The following TNFAIP6 variants were observed in gnomAD, a reference collection of about 807,000 sequenced individuals.
The protein encoded by TNFAIP6 is tumor necrosis factor-inducible gene 6 protein.
TNFAIP6 carries 36 observed loss-of-function variants against 33.7 expected under a neutral mutation model. That is an observed-to-expected ratio of 1.07 (90% CI 0.82 to 1.41). The LOEUF (loss-of-function observed/expected upper bound fraction) is 1.41, where lower values mean the gene tolerates loss of function less well. Ranked by LOEUF, TNFAIP6 falls within the 40% of genes most tolerant of loss-of-function variation. TNFAIP6 has a pLI of 0.00. For missense variants in TNFAIP6, 273 were observed against 331.9 expected (o/e 0.82, Z 1.38); for synonymous variants, 113 against 112.8 (o/e 1.00, Z -0.01).
Position 151,371,945 on chromosome 2 carries a change from A to G in TNFAIP6, c.624-1604A>G, listed in dbSNP as rs1260760286. ...TACTGCTATAGAGAAAAGATAGTTT[A>G]TAAAAATAGTTTGATGAAGACACAA... On this transcript the variant is annotated intron_variant, in intron 4 of 5. Transcript: ENST00000243347. 3.3e-5 allele frequency: 5 copies of G among 152,244 alleles called. No individual in the cohort carries two copies. In the South Asian group the frequency reaches 6.2e-4, roughly 19 times the overall value. The allele number at this position is 152,244 out of a possible 1,614,324, so 9.4% of individuals were successfully genotyped here.
chr2:151,377,058 T>A (rs974729395), intron 5 of TNFAIP6, among the ~76,000 whole-genome samples: 2 of 152,014 alleles, frequency 1.3e-5, no homozygotes, highest in Non-Finnish European at 2.9e-5. Context: ...AGGCTGGTCC[T>A]GAAGTCCTGA....
chr2:151,359,539 C>T (rs1274581587), intron 1 of TNFAIP6, among the ~76,000 whole-genome samples: 1 of 152,074 alleles, frequency 6.6e-6, no homozygotes, highest in Admixed American at 6.6e-5. Context: ...CAGGCACCCG[C>T]CACCACGCCT....
chr2:151,365,983 TCTTTGCTAAGATGA>T (rs1308923290), intron 2 of TNFAIP6, 59 bp from the exon 3 acceptor site: 58 of 1,465,156 alleles, frequency 4.0e-5, no homozygotes, highest in Non-Finnish European at 5.5e-5. Context: ...GAAGTGGCTA[TCTTTGCTAAGATGA>T]CTTTTGCTTA....
chr2:151,363,689 A>T (rs1002186594), intron 1 of TNFAIP6, among the ~76,000 whole-genome samples: 3 of 152,032 alleles, frequency 2.0e-5, no homozygotes, highest in African/African-American at 7.3e-5. Flanking sequence ...AAAACCAACC[A>T]ACCAAACAAA....
At chr2:151,377,271 G>A (rs1684930248) in intron 5 of TNFAIP6, among the ~76,000 whole-genome samples, 2 of 151,914 alleles carry the variant, frequency 1.3e-5, no homozygotes, top group Non-Finnish European at 1.5e-5. Context: ...CCGGGTTCAC[G>A]CCATTCTCCT....
At chr2:151,375,401 G>T (rs1182752549) in intron 5 of TNFAIP6, among the ~76,000 whole-genome samples, 1 of 152,010 alleles carries the variant, frequency 6.6e-6, no homozygotes, top group Non-Finnish European at 1.5e-5. Context: ...ATAAGATACA[G>T]TTAACATAAA....
At position 151,376,055 on chromosome 2, in the gene TNFAIP6, G is replaced by T. The variant is rs139172425; in HGVS notation, c.664+2466G>T. Among the ~76,000 whole-genome samples the T allele has an allele frequency of 2.0e-4, 30 of 152,206 alleles. No individual in the cohort carries two copies. In the East Asian group the frequency reaches 3.1e-3, roughly 16 times the overall value. On this transcript the variant is annotated intron_variant, in intron 5 of 5. Transcript: ENST00000243347. ...AAGATCAGGAGTTCAAGACAGCCTG[G>T]CCAATATGGTGAAACCCCATCTTTA... is the stretch of plus-strand genomic sequence containing the variant.
intron 4 of TNFAIP6, 48 bp downstream of exon 4, chr2:151,370,296 T>A (rs765085763): frequency 1.5e-6 from 2 of 1,366,524 alleles, no homozygotes; most frequent in Admixed American, 1.8e-5. Context: ...TCCAGTATTT[T>A]GTTTGATGCT....
intron 3 of TNFAIP6, 46 bp downstream of exon 3, chr2:151,366,263 G>A (rs1274490511): frequency 1.9e-6 from 3 of 1,571,722 alleles, no homozygotes; most frequent in Admixed American, 3.4e-5. Flanking sequence ...ACAGTTCCAT[G>A]CTGCTAAGAG....
chr2:151,372,280 T>C (rs902793881), intron 4 of TNFAIP6: 15 of 152,238 alleles, frequency 9.9e-5, no homozygotes, highest in African/African-American at 3.6e-4. Context: ...AGCAACATCC[T>C]ATCTTATATA....
rs1684708614 is a variant in TNFAIP6 at position 151,366,264 on chromosome 2, C to T, written c.394+47C>T. ...TATGTTTTGCAAAAACAGTTCCATG[C>T]TGCTAAGAGGTTGTTAAAAAAGAAA... On this transcript the variant is annotated intron_variant, in intron 3 of 5. Transcript: ENST00000243347. The T allele has an allele frequency of 2.6e-6, 4 of 1,568,500 alleles. No homozygotes were observed. The South Asian group carries it at 4.5e-5, about 18-fold the overall frequency.
intron 1 of TNFAIP6, among the ~76,000 whole-genome samples, chr2:151,360,511 T>A: frequency 6.6e-6 from 1 of 152,216 alleles, no homozygotes; most frequent in East Asian, 1.9e-4. Flanking sequence ...TCAGTTTTAA[T>A]AAATGACTAT....
At chr2:151,376,049 A>G (rs1684900688) in intron 5 of TNFAIP6, among the ~76,000 whole-genome samples, 1 of 152,174 alleles carries the variant, frequency 6.6e-6, no homozygotes, top group Non-Finnish European at 1.5e-5. Context: ...AGTTCAAGAC[A>G]GCCTGGCCAA....
chr2:151,369,105 A>G (rs906142439), intron 3 of TNFAIP6, among the ~76,000 whole-genome samples: 2 of 152,130 alleles, frequency 1.3e-5, no homozygotes, highest in Admixed American at 1.3e-4. Flanking sequence ...AGGCATAAGA[A>G]TTTCTTGAAC....
intron 1 of TNFAIP6, among the ~76,000 whole-genome samples, chr2:151,358,965 C>A (rs1433889182): frequency 1.3e-5 from 2 of 152,094 alleles, no homozygotes; most frequent in Admixed American, 1.3e-4. Flanking sequence ...AGAATTAAAT[C>A]CAGGCAGATA....
At chr2:151,371,081 AAAG>A (rs1451608270) in intron 4 of TNFAIP6, among the ~76,000 whole-genome samples, 2 of 152,190 alleles carry the variant, frequency 1.3e-5, no homozygotes, top group African/African-American at 4.8e-5. Flanking sequence ...AAAAAAAAAA[AAAG>A]ATTATAAATT....
intron 3 of TNFAIP6, among the ~76,000 whole-genome samples, chr2:151,369,671 A>G (rs927180112): frequency 8.5e-5 from 13 of 152,184 alleles, no homozygotes; most frequent in African/African-American, 2.9e-4. Flanking sequence ...ACTACTTAGG[A>G]GGCTGAAGTG....
chr2:151,376,272 G>A (rs1038440420), intron 5 of TNFAIP6, among the ~76,000 whole-genome samples: 5 of 151,826 alleles, frequency 3.3e-5, no homozygotes, highest in African/African-American at 1.2e-4. Context: ...TACAAAGTTA[G>A]CCAGGCATCC....
At chr2:151,363,001 G>A (rs1296539682) in intron 1 of TNFAIP6, among the ~76,000 whole-genome samples, 1 of 152,110 alleles carries the variant, frequency 6.6e-6, no homozygotes, top group Non-Finnish European at 1.5e-5. Context: ...GGATAGTGTT[G>A]CAATACAATG....
Sources: gnomAD v4.1 joint callset for allele counts (sites outside exome capture counted in the v4.1 genomes callset) on GRCh38, gnomAD v4.1.1 for gene constraint, MANE v1.5 for transcripts, NCBI Gene and HGNC (gene_info 2026-07-23, HGNC 2026-07-21) for gene names.